MTHFD2L: variants seen among roughly 807,000 people sequenced by gnomAD.
MTHFD2L encodes methylenetetrahydrofolate dehydrogenase (NADP+ dependent) 2 like.
In MTHFD2L, 29 loss-of-function variants were observed where a neutral mutation model predicts 34.9. The observed-to-expected ratio is 0.83, with a 90% CI of 0.62 to 1.13. MTHFD2L has a LOEUF of 1.13. Among genes scored for constraint, MTHFD2L ranks in the 50% most tolerant of loss-of-function variants. The pLI is 0.00. For synonymous variants in MTHFD2L, 167 were observed against 155.7 expected (o/e 1.07, Z -0.54); for missense variants, 481 against 446.5 (o/e 1.08, Z -0.70).
rs200664278 is a variant in MTHFD2L, at chr4:74,225,351, G to A, written c.762G>A (p.Leu254=). Reference sequence around the variant, plus strand: ...ACAGATACACCCCCAAAGAGCAACTGAAGATTCATACGCAGCTGGCAGATA... The same window carrying A: ...ACAGATACACCCCCAAAGAGCAACTAAAGATTCATACGCAGCTGGCAGATA... ...IAHRYTPKEQ[L]KIHTQLADII... Residue 254 remains leucine, a synonymous_variant, in exon 6 of 8, where the codon CTG becomes CTA. Transcript: ENST00000325278. The A allele has an allele frequency of 1.2e-4, 190 of 1,613,204 alleles. No homozygotes were observed. The highest frequency in any genetic ancestry group is 5.1e-5 in the Non-Finnish European group (60 of 1,179,382).
intron 6 of MTHFD2L, among the ~76,000 whole-genome samples, chr4:74,263,313 G>C (rs1285332417): frequency 6.6e-6 from 1 of 151,854 alleles, no homozygotes; most frequent in Non-Finnish European, 1.5e-5. Context: ...GGCTATTTGA[G>C]CTCTTTTTTG....
At chr4:74,185,464 GA>G (rs1338024724) in intron 3 of MTHFD2L, among the ~76,000 whole-genome samples, 3 of 151,812 alleles carry the variant, frequency 2.0e-5, no homozygotes, top group African/African-American at 7.3e-5. Context: ...AACAAAAAAA[GA>G]AATAATAAAG....
At chr4:74,162,621 G>A (rs913514106) in intron 1 of MTHFD2L, among the ~76,000 whole-genome samples, 2 of 151,690 alleles carry the variant, frequency 1.3e-5, no homozygotes, top group Admixed American at 1.3e-4. Flanking sequence ...AATATCTAAG[G>A]AGCTCTTAGT....
chr4:74,121,578 G>T (rs979678075), upstream of MTHFD2L, among the ~76,000 whole-genome samples: 2 of 143,084 alleles, frequency 1.4e-5, no homozygotes, highest in African/African-American at 5.2e-5. Context: ...ATGGTGAGTT[G>T]TATAATTATT....
intron 1 of MTHFD2L, among the ~76,000 whole-genome samples, chr4:74,131,211 C>T (rs1578229068): frequency 6.6e-6 from 1 of 152,172 alleles, no homozygotes; most frequent in South Asian, 2.1e-4. Context: ...CATTGACTTT[C>T]TTCACAGAAT....
chr4:74,269,589 A>C (rs556649038), intron 6 of MTHFD2L, among the ~76,000 whole-genome samples: 22 of 152,068 alleles, frequency 1.4e-4, no homozygotes, highest in African/African-American at 4.6e-4. Context: ...TAATGTATGA[A>C]TAAATTATGT....
chr4:74,201,357 T>C lies in MTHFD2L; in HGVS notation c.699T>C (p.His233=), dbSNP rs1252707636. Reference sequence around the variant, plus strand: ...TGCTTTTACACACTGATGGAGAGCATGAACGGCCAGGAGGTAGGTAGAACC... The same window carrying C: ...TGCTTTTACACACTGATGGAGAGCACGAACGGCCAGGAGGTAGGTAGAACC... The part of the protein sequence containing the change: ...IAMLLHTDGE[H]ERPGGDATVT... The change falls in exon 5 of 8, where the codon CAT becomes CAC. Residue 233 remains histidine (H), a synonymous_variant. Transcript: ENST00000325278. The C allele has an allele frequency of 3.1e-6, 5 of 1,613,222 alleles. No homozygotes were observed. The Admixed American group carries it at 6.7e-5, about 22-fold the overall frequency.
chr4:74,286,728 G>A (rs1006127832), intron 7 of MTHFD2L, among the ~76,000 whole-genome samples: 1 of 152,118 alleles, frequency 6.6e-6, no homozygotes, highest in Non-Finnish European at 1.5e-5. Flanking sequence ...AGCTTTAGTA[G>A]CTTTGCTTCA....
At chr4:74,243,951 T>C (rs1489979915) in intron 6 of MTHFD2L, among the ~76,000 whole-genome samples, 1 of 152,192 alleles carries the variant, frequency 6.6e-6, no homozygotes, top group Non-Finnish European at 1.5e-5. Context: ...GCTCAATCTG[T>C]TGGTAGGTGT....
chr4:74,281,345 G>GTGTGTGTGTGTGTGTGTGTT, intron 6 of MTHFD2L, 80 bp from the exon 7 acceptor site: 1 of 1,299,930 alleles, frequency 7.7e-7, no homozygotes, highest in Non-Finnish European at 1.1e-6. Context: ...GTGTGTGTGT[G>GTGTGTGTGTGTGTGTGTGTT]TGTGTATTTT....
chr4:74,177,514 C>T lies in MTHFD2L; in HGVS notation c.451+2111C>T, dbSNP rs188316825. 4.6e-5 allele frequency among the ~76,000 whole-genome samples: 7 copies of T among 151,978 alleles called. No homozygotes were observed. In the East Asian group the frequency reaches 9.7e-4, roughly 21 times the overall value. ...CCAACAGGTATATGAAAATGATAAA[C>T]TTCACTAATTATCAGGGAAAGGCAA... On this transcript the variant is annotated intron_variant, in intron 3 of 7. Coordinates refer to ENST00000325278, the MANE Select transcript of MTHFD2L (RefSeq NM_001144978.3).
intron 1 of MTHFD2L, among the ~76,000 whole-genome samples, chr4:74,163,086 T>C (rs78290622): frequency 1.5e-5 from 2 of 135,824 alleles, no homozygotes; most frequent in South Asian, 2.4e-4. Context: ...TTTTTTTTTT[T>C]CCATTGTTAG....
intron 6 of MTHFD2L, among the ~76,000 whole-genome samples, chr4:74,252,850 G>A (rs1018781843): frequency 6.6e-6 from 1 of 152,002 alleles, no homozygotes; most frequent in Admixed American, 6.5e-5. Context: ...TGATCACAAA[G>A]CTAAAAGATG....
At chr4:74,247,836 G>A (rs374792920) in intron 6 of MTHFD2L, among the ~76,000 whole-genome samples, 1 of 152,126 alleles carries the variant, frequency 6.6e-6, no homozygotes, top group African/African-American at 2.4e-5. Flanking sequence ...AAGCCCACTT[G>A]ATCATGGTGG....
chr4:74,148,718 C>A (rs183029291), intron 1 of MTHFD2L, among the ~76,000 whole-genome samples: 1 of 147,312 alleles, frequency 6.8e-6, no homozygotes, highest in East Asian at 1.9e-4. Flanking sequence ...TCTTATGACC[C>A]TACAAATCTA....
At chr4:74,125,174 G>C (rs970554165), upstream of MTHFD2L, among the ~76,000 whole-genome samples, 2 of 152,120 alleles carry the variant, frequency 1.3e-5, no homozygotes, top group African/African-American at 2.4e-5. Context: ...ATAGGAATTA[G>C]CATGAGTGAA....
At chr4:74,211,425 G>T (rs535396977) in intron 5 of MTHFD2L, among the ~76,000 whole-genome samples, 1 of 152,054 alleles carries the variant, frequency 6.6e-6, no homozygotes, top group African/African-American at 2.4e-5. Context: ...GGCCTTTTCC[G>T]CATCTATTGA....
intron 7 of MTHFD2L, among the ~76,000 whole-genome samples, chr4:74,295,392 A>G (rs1306170966): frequency 2.0e-5 from 3 of 152,008 alleles, no homozygotes; most frequent in Admixed American, 2.0e-4. Flanking sequence ...CAGCTTTACA[A>G]ATCTTTCTCT....
At chr4:74,197,362 A>G (rs1457871339) in intron 3 of MTHFD2L, among the ~76,000 whole-genome samples, 5 of 152,192 alleles carry the variant, frequency 3.3e-5, no homozygotes, top group Admixed American at 3.3e-4. Flanking sequence ...TCTTACTCAT[A>G]TAACAAAAGG....
Sources: allele counts gnomAD v4.1 joint callset (sites outside exome capture counted in the v4.1 genomes callset), GRCh38; gene constraint gnomAD v4.1.1; transcripts MANE v1.5; gene names NCBI Gene and HGNC (gene_info 2026-07-23, HGNC 2026-07-21).